MACROD2: variants seen among roughly 807,000 people sequenced by gnomAD.
MACROD2 encodes mono-ADP ribosylhydrolase 2, also known as ADP-ribose glycohydrolase MACROD2.
In MACROD2, 36 loss-of-function variants were observed where a neutral mutation model predicts 70.4. That is an observed-to-expected ratio of 0.51 (90% confidence interval 0.39 to 0.68). MACROD2 has a LOEUF of 0.68. Among genes scored for constraint, MACROD2 ranks in the 30% least tolerant of loss-of-function variants. The pLI is 0.00. For synonymous variants in MACROD2, 172 were observed against 178.8 expected, an observed-to-expected ratio of 0.96 and a Z score of 0.30; for missense variants, 496 against 538.4, an observed-to-expected ratio of 0.92 and a Z score of 0.78.
chr20:15,612,412 C>T (rs1450451724), intron 8 of MACROD2, among the ~76,000 whole-genome samples: 1 of 152,220 alleles, frequency 6.6e-6, no homozygotes, highest in Non-Finnish European at 1.5e-5. Context: ...GCATAATGCA[C>T]ATTACATTAT....
At chr20:15,392,405 G>A (rs889805648) in intron 6 of MACROD2, among the ~76,000 whole-genome samples, 3 of 152,098 alleles carry the variant, frequency 2.0e-5, no homozygotes, top group Non-Finnish European at 2.9e-5. Context: ...CATATTTAAT[G>A]TGATTTATTA....
intron 3 of MACROD2, among the ~76,000 whole-genome samples, chr20:14,289,394 G>T (rs1308198757): frequency 6.6e-6 from 1 of 152,312 alleles, no homozygotes; most frequent in East Asian, 1.9e-4. Flanking sequence ...ATACAAAGGT[G>T]TGGCCTCTGT....
At chr20:15,410,028 C>T (rs555210440) in intron 6 of MACROD2, among the ~76,000 whole-genome samples, 3 of 152,250 alleles carry the variant, frequency 2.0e-5, no homozygotes, top group East Asian at 3.9e-4. Flanking sequence ...ATTTATTCCT[C>T]GTTTCCTTTT....
intron 8 of MACROD2, among the ~76,000 whole-genome samples, chr20:15,788,095 T>G (rs1297450975): frequency 6.6e-6 from 1 of 152,228 alleles, no homozygotes; most frequent in East Asian, 1.9e-4. Context: ...GAGTAGTTAG[T>G]TGCTTTGACT....
chr20:16,044,713 T>C, intron 17 of MACROD2, 74 bp downstream of exon 17: 1 of 1,401,224 alleles, frequency 7.1e-7, no homozygotes, highest in Non-Finnish European at 1.0e-6. Context: ...ACATACTGGA[T>C]TTCCCTTGGT....
At chr20:14,852,011 G>T (rs1054858064) in intron 5 of MACROD2, among the ~76,000 whole-genome samples, 3 of 152,298 alleles carry the variant, frequency 2.0e-5, no homozygotes, top group Middle Eastern at 3.4e-3. Flanking sequence ...ACATGTCAGA[G>T]AGTCATGCAT....
At chr20:14,500,048 TG>T (rs754234976) in intron 4 of MACROD2, among the ~76,000 whole-genome samples, 1 of 152,126 alleles carries the variant, frequency 6.6e-6, no homozygotes, top group Non-Finnish European at 1.5e-5. Context: ...AGAGGTGACA[TG>T]GGAGCAGTCT....
intron 5 of MACROD2, among the ~76,000 whole-genome samples, chr20:14,923,317 G>C (rs2074186589): frequency 6.6e-6 from 1 of 152,098 alleles, no homozygotes; most frequent in South Asian, 2.1e-4. Context: ...TTACAAATTT[G>C]TATCTCCAGC....
intron 6 of MACROD2, among the ~76,000 whole-genome samples, chr20:15,349,045 T>G (rs2078198165): frequency 6.6e-6 from 1 of 152,208 alleles, no homozygotes; most frequent in Non-Finnish European, 1.5e-5. Flanking sequence ...TGGGTTAATT[T>G]CCTTCACAGG....
intron 8 of MACROD2, among the ~76,000 whole-genome samples, chr20:15,693,953 A>C (rs933608014): frequency 1.3e-5 from 2 of 151,386 alleles, no homozygotes; most frequent in Non-Finnish European, 2.9e-5. Context: ...CCTATCAGTG[A>C]GAACATACAA....
At chr20:15,430,541 A>C (rs2046351599) in intron 6 of MACROD2, among the ~76,000 whole-genome samples, 1 of 151,988 alleles carries the variant, frequency 6.6e-6, no homozygotes. Context: ...CCATACCCAG[A>C]CCACTTTCTA....
chr20:14,635,142 A>T (rs940052744), intron 4 of MACROD2, among the ~76,000 whole-genome samples: 2 of 152,238 alleles, frequency 1.3e-5, no homozygotes, highest in Admixed American at 6.5e-5. Flanking sequence ...GAGGGAGTTT[A>T]AAATTGCAGA....
chr20:15,468,599 G>C (rs2046925969), intron 7 of MACROD2, among the ~76,000 whole-genome samples: 1 of 152,208 alleles, frequency 6.6e-6, no homozygotes, highest in Non-Finnish European at 1.5e-5. Context: ...GGTTTGTCTG[G>C]ACATGGAAGC....
chr20:15,665,251 A>G (rs981623088), intron 8 of MACROD2, among the ~76,000 whole-genome samples: 38 of 152,304 alleles, frequency 2.5e-4, no homozygotes, highest in East Asian at 3.9e-4. Flanking sequence ...GTCTTCTTCT[A>G]AAGGAATTAT....
At chr20:14,694,256 A>G (rs1655924298) in intron 5 of MACROD2, among the ~76,000 whole-genome samples, 1 of 152,234 alleles carries the variant, frequency 6.6e-6, no homozygotes, top group African/African-American at 2.4e-5. Context: ...TTTTGGAGAT[A>G]ACAAAGGGAA....
In MACROD2 at chr20:14,276,176, G is replaced by A. The variant is rs191509435; in HGVS notation, c.271+190448G>A. Among the ~76,000 whole-genome samples, 192 of 152,026 alleles carry A rather than the reference G, an allele frequency of 1.3e-3. 1 individual carries two copies. Among genetic ancestry groups the A allele is most frequent in the Middle Eastern group, 3.4e-3 (1 of 294 alleles). ...CATGCTGCTATAAAGACACATGCAC[G>A]CGTATGTTTATTGCAGCACTATTTG... On this transcript the variant is annotated intron_variant, in intron 3 of 17. Transcript: ENST00000684519.
chr20:14,030,802 G>A (rs1023113271), intron 2 of MACROD2, among the ~76,000 whole-genome samples: 10 of 144,936 alleles, frequency 6.9e-5, no homozygotes, highest in Admixed American at 6.8e-4. Context: ...GGAATTGCCA[G>A]TACTTAATCA....
intron 4 of MACROD2, among the ~76,000 whole-genome samples, chr20:14,522,376 G>A (rs746285139): frequency 3.3e-5 from 5 of 152,084 alleles, no homozygotes; most frequent in Non-Finnish European, 5.9e-5. Context: ...TGAAACCCAA[G>A]CAGAAATGTA....
intron 5 of MACROD2, among the ~76,000 whole-genome samples, chr20:14,769,976 G>A (rs1199221315): frequency 6.6e-6 from 1 of 151,858 alleles, no homozygotes; most frequent in African/African-American, 2.4e-5. Context: ...AAATGATGCT[G>A]TAAAAATATT....
Sources: gnomAD v4.1 joint callset for allele counts (sites outside exome capture counted in the v4.1 genomes callset) on GRCh38, gnomAD v4.1.1 for gene constraint, MANE v1.5 for transcripts, NCBI Gene and HGNC (gene_info 2026-07-23, HGNC 2026-07-21) for gene names.